FRMD5: variants seen among roughly 807,000 people sequenced by gnomAD.
FRMD5 encodes FERM domain-containing protein 5.
FRMD5 carries 20 observed loss-of-function variants against 69.0 expected under a neutral mutation model. That is an observed-to-expected ratio of 0.29 (90% confidence interval 0.20 to 0.42). The LOEUF (loss-of-function observed/expected upper bound fraction) is 0.42. Ranked by LOEUF, FRMD5 falls within the 10% of genes least tolerant of loss-of-function variation. FRMD5 has a pLI of 1.00. For synonymous variants in FRMD5, 271 were observed against 260.1 expected (o/e 1.04, Z -0.40); for missense variants, 595 against 708.6 (o/e 0.84, Z 1.82).
At chr15:43,941,350 A>C (rs1476248763) in intron 1 of FRMD5, among the ~76,000 whole-genome samples, 1 of 152,196 alleles carries the variant, frequency 6.6e-6, no homozygotes, top group Admixed American at 6.5e-5. Flanking sequence ...TCCTGGGCTT[A>C]TGTGATCCTG....
At chr15:44,049,730 T>C (rs1892576274) in intron 1 of FRMD5, among the ~76,000 whole-genome samples, 1 of 152,220 alleles carries the variant, frequency 6.6e-6, no homozygotes, top group Non-Finnish European at 1.5e-5. Context: ...ATACCTACTA[T>C]GTGCTGGAAG....
At chr15:43,969,240 T>C (rs115627916) in intron 1 of FRMD5, among the ~76,000 whole-genome samples, 2,595 of 151,890 alleles carry the variant, frequency 0.017, 63 homozygotes, top group African/African-American at 0.051. Flanking sequence ...CACCACCACA[T>C]CCATGTAATT....
chr15:43,888,971 A>G (rs1595484837), intron 8 of FRMD5, 99 bp from the exon 9 acceptor site: 1 of 963,596 alleles, frequency 1.0e-6, no homozygotes, highest in East Asian at 2.4e-5. Context: ...AAGGGGCTCC[A>G]GGCACAGACA....
intron 1 of FRMD5, 152 bp from the exon 2 acceptor site, chr15:43,924,461 T>G (rs1439345670): frequency 1.6e-6 from 1 of 616,326 alleles, no homozygotes; most frequent in African/African-American, 1.9e-5. Context: ...TTGTGATACA[T>G]CACTCACTGT....
chr15:43,931,267 T>C (rs2089669894), intron 1 of FRMD5, among the ~76,000 whole-genome samples: 1 of 152,314 alleles, frequency 6.6e-6, no homozygotes, highest in East Asian at 1.9e-4. Flanking sequence ...AATATCTCAG[T>C]GGACTAGTCA....
intron 1 of FRMD5, among the ~76,000 whole-genome samples, chr15:44,177,305 A>C (rs1226511424): frequency 1.3e-5 from 2 of 152,242 alleles, no homozygotes; most frequent in Non-Finnish European, 2.9e-5. Flanking sequence ...ATAATAGCCA[A>C]AAAGTTGAAA....
At chr15:44,151,727 C>T (rs1046344577) in intron 1 of FRMD5, among the ~76,000 whole-genome samples, 2 of 151,358 alleles carry the variant, frequency 1.3e-5, no homozygotes, top group Admixed American at 1.3e-4. Context: ...AAGGCACAAG[C>T]AAGGAAAGAA....
At chr15:44,033,748 T>C (rs961643849) in intron 1 of FRMD5, among the ~76,000 whole-genome samples, 3 of 152,200 alleles carry the variant, frequency 2.0e-5, no homozygotes, top group East Asian at 1.9e-4. Context: ...TGAGTTCAAA[T>C]TCTGATTCTG....
At chr15:43,874,745 C>A (rs2088280181) in intron 13 of FRMD5, among the ~76,000 whole-genome samples, 1 of 151,752 alleles carries the variant, frequency 6.6e-6, no homozygotes, top group Admixed American at 6.6e-5. Context: ...ACTAAAAATA[C>A]AAAAATCAGC....
intron 1 of FRMD5, among the ~76,000 whole-genome samples, chr15:44,098,523 C>CA (rs10660236): frequency 0.44 from 45,955 of 104,662 alleles, 8,483 homozygotes; most frequent in Middle Eastern, 0.57. Flanking sequence ...GACTCTGTCT[C>CA]AAAAAAAAAA....
chr15:44,168,415 T>C (rs1003956507), intron 1 of FRMD5, among the ~76,000 whole-genome samples: 1 of 152,206 alleles, frequency 6.6e-6, no homozygotes, highest in Non-Finnish European at 1.5e-5. Context: ...CTCATAAGGA[T>C]TAGTGGAAGA....
intron 1 of FRMD5, among the ~76,000 whole-genome samples, chr15:44,162,535 T>C (rs866041808): frequency 3.9e-5 from 6 of 152,186 alleles, no homozygotes; most frequent in African/African-American, 1.4e-4. Context: ...TGTTTTTTCC[T>C]GCCTCCAGGC....
intron 1 of FRMD5, among the ~76,000 whole-genome samples, chr15:43,992,642 C>T (rs543022794): frequency 1.0e-3 from 156 of 152,232 alleles, no homozygotes; most frequent in Non-Finnish European, 1.8e-3. Context: ...CCGCCCAAAA[C>T]GCTGGGATTA....
intron 1 of FRMD5, among the ~76,000 whole-genome samples, chr15:43,935,804 GA>G (rs1434203797): frequency 6.6e-6 from 1 of 152,120 alleles, no homozygotes; most frequent in Non-Finnish European, 1.5e-5. Context: ...TATTACTGCT[GA>G]AAAAAATCTT....
rs544423514 is a variant in FRMD5 at position 43,989,713 on chromosome 15, G to A, written c.103-65404C>T. On this transcript the variant is annotated intron_variant, in intron 1 of 13. Coordinates refer to ENST00000417257, the MANE Select transcript of FRMD5 (RefSeq NM_032892.5). ...AGATGGGCACAGTGTGGGTGACCCCGTCATCGTAGTCCATCACGATGTCAG... is the reference window on the plus strand; with the variant it reads ...AGATGGGCACAGTGTGGGTGACCCCATCATCGTAGTCCATCACGATGTCAG... The A allele has an allele frequency of 1.3e-4, 134 of 992,618 alleles. 2 individuals are homozygous for A. The East Asian group carries it at 2.5e-3, about 18-fold the overall frequency. The allele number at this position is 992,618 out of a possible 1,614,324, so 61.5% of individuals were successfully genotyped here.
In FRMD5 at chr15:43,909,018, CTT is replaced by C. The variant is rs1464732649; in HGVS notation, c.427+862_427+863del. Among the ~76,000 whole-genome samples the C allele has an allele frequency of 3.9e-5, 6 of 152,238 alleles. No homozygotes were observed. The East Asian group carries it at 9.6e-4, about 24-fold the overall frequency. ...AATCCCTAAAACAGAGTCAGAATGACTTTAAGGGGCTGGTAGTAAGATCTCAG... is the reference window on the plus strand; with the variant it reads ...AATCCCTAAAACAGAGTCAGAATGACTAAGGGGCTGGTAGTAAGATCTCAG... On this transcript the variant is annotated intron_variant, in intron 5 of 13. Transcript: ENST00000417257.
At chr15:44,037,328 T>A (rs895193813) in intron 1 of FRMD5, among the ~76,000 whole-genome samples, 1 of 152,210 alleles carries the variant, frequency 6.6e-6, no homozygotes, top group South Asian at 2.1e-4. Flanking sequence ...CATCCTTTTT[T>A]ATGGCTGCCT....
At chr15:43,986,255 T>G (rs1309275041) in intron 1 of FRMD5, among the ~76,000 whole-genome samples, 1 of 152,190 alleles carries the variant, frequency 6.6e-6, no homozygotes, top group Non-Finnish European at 1.5e-5. Context: ...TGGGGTTGCC[T>G]CCTTGTCTTC....
intron 4 of FRMD5, among the ~76,000 whole-genome samples, chr15:43,911,055 G>A (rs2089279389): frequency 6.6e-6 from 1 of 152,212 alleles, no homozygotes. Flanking sequence ...TTTCCATTTT[G>A]AAATGTCTTC....
Sources: allele counts gnomAD v4.1 joint callset (sites outside exome capture counted in the v4.1 genomes callset), GRCh38; gene constraint gnomAD v4.1.1; transcripts MANE v1.5; gene names NCBI Gene and HGNC (gene_info 2026-07-23, HGNC 2026-07-21).